Variants in CD34 observed in about 807,000 individuals in gnomAD.
The protein encoded by CD34 is hematopoietic progenitor cell antigen CD34.
A neutral mutation model predicts 40.1 loss-of-function variants in CD34; 34 were observed. The ratio of observed to expected loss-of-function variants is 0.85; its 90% CI spans 0.65 to 1.13. The LOEUF is 1.13. Among genes scored for constraint, CD34 ranks in the 50% most tolerant of loss-of-function variants. The pLI is 0.00. For synonymous variants in CD34, 209 were observed against 190.0 expected (o/e 1.10, Z -0.82); for missense variants, 426 against 466.9 (o/e 0.91, Z 0.81).
rs1439183665 is a variant in CD34, at chr1:207,888,730, G to T, written c.924C>A (p.Gly308=). 1 of 1,614,220 alleles carries T rather than the reference G, an allele frequency of 6.2e-7. No individual in the cohort carries two copies. Among genetic ancestry groups the T allele is most frequent in the South Asian group, 1.1e-5 (1 of 91,088 alleles). The change falls in exon 7 of 8, where the codon GGC becomes GGA. Residue 308 remains glycine (G), a synonymous_variant. Coordinates refer to ENST00000310833, the MANE Select transcript of CD34 (RefSeq NM_001025109.2). ...GALLAVLGIT[G]YFLMNRRSWS... ...AGCTGCGGCGATTCATCAGGAAATA[G>T]CCAGTGATGCCCAAGACAGCCAGCA...
chr1:207,910,028 G>A (rs1286502690), intron 1 of CD34, among the ~76,000 whole-genome samples: 2 of 152,250 alleles, frequency 1.3e-5, no homozygotes, highest in Admixed American at 1.3e-4. Context: ...AATGTACAAA[G>A]TTTCAAAAGT....
At chr1:207,910,001 T>C (rs573867391) in intron 1 of CD34, among the ~76,000 whole-genome samples, 1 of 152,338 alleles carries the variant, frequency 6.6e-6, no homozygotes. Flanking sequence ...TAGAGTGCTG[T>C]AAGCAAAAGG....
rs1661876624 is a variant in CD34, at chr1:207,885,140, T to C, written c.*2598A>G. ...AGTGACGTTCTATAGTTATATGAGC[T>C]TTGTGTACAAGAGAAATTGGACTAG... On this transcript the variant is annotated 3_prime_UTR_variant, in exon 8 of 8. Coordinates refer to ENST00000310833, the MANE Select transcript of CD34 (RefSeq NM_001025109.2). 6.6e-6 allele frequency: 1 copy of C among 152,234 alleles called. No individual in the cohort carries two copies. The highest frequency in any genetic ancestry group is 1.5e-5 in the Non-Finnish European group (1 of 68,078). 9.4% of individuals were successfully genotyped at this position (152,234 alleles called of 1,614,324 possible).
Position 207,887,551 on chromosome 1 carries a change from G to A in CD34, c.*187C>T. On this transcript the variant is annotated 3_prime_UTR_variant, in exon 8 of 8. Coordinates refer to ENST00000310833, the MANE Select transcript of CD34 (RefSeq NM_001025109.2). ...AGAGTCTGGCTCCAGGGAGCCGAAT[G>A]TGTAAAGGACAGGAGTTTACCTGCC... 1.3e-6 allele frequency: 1 copy of A among 752,756 alleles called. No individual in the cohort carries two copies. Among genetic ancestry groups the A allele is most frequent in the Admixed American group, 2.9e-5 (1 of 34,156 alleles). The allele number at this position is 752,756 out of a possible 1,614,324, so 46.6% of individuals were successfully genotyped here.
rs1661846120 is a variant in CD34 at position 207,883,687 on chromosome 1, A to G, written c.*4051T>C. On this transcript the variant is annotated 3_prime_UTR_variant, in exon 8 of 8. Transcript: ENST00000310833. ...TATGCTATTTAAATATTGGCACCAT[A>G]TCTCAATTTTCATACAGTAAGCACT... 1.3e-5 allele frequency: 2 copies of G among 152,196 alleles called. No individual in the cohort carries two copies. The highest frequency in any genetic ancestry group is 4.8e-5 in the African/African-American group (2 of 41,438). The allele number at this position is 152,196 out of a possible 1,614,324, so 9.4% of individuals were successfully genotyped here.
chr1:207,887,558 G>A lies in CD34; in HGVS notation c.*180C>T. The stretch of plus-strand genomic sequence containing the variant: ...GGCTCCAGGGAGCCGAATGTGTAAA[G>A]GACAGGAGTTTACCTGCCCCTCCTC... On this transcript the variant is annotated 3_prime_UTR_variant, in exon 8 of 8. Coordinates refer to ENST00000310833, the MANE Select transcript of CD34 (RefSeq NM_001025109.2). 3.7e-6 allele frequency: 3 copies of A among 802,906 alleles called. No individual in the cohort carries two copies. In the South Asian group the frequency reaches 5.5e-5, roughly 15 times the overall value. 49.7% of individuals were successfully genotyped at this position (802,906 alleles called of 1,614,324 possible).
chr1:207,901,009 T>TC (rs1463550841), intron 1 of CD34, among the ~76,000 whole-genome samples: 1 of 151,282 alleles, frequency 6.6e-6, no homozygotes, highest in East Asian at 1.9e-4. Context: ...TTTTTTTTTT[T>TC]TTTTTAAGAC....
intron 4 of CD34, among the ~76,000 whole-genome samples, chr1:207,895,645 T>C (rs1013112032): frequency 6.6e-6 from 1 of 152,336 alleles, no homozygotes; most frequent in East Asian, 1.9e-4. Flanking sequence ...ACTTTTCTCA[T>C]ACAGTGACCC....
In CD34 at chr1:207,885,885, C is replaced by T. The variant is rs752849021; in HGVS notation, c.*1853G>A. The T allele has an allele frequency of 1.3e-5, 2 of 151,942 alleles. No individual in the cohort carries two copies. Among genetic ancestry groups the T allele is most frequent in the African/African-American group, 4.8e-5 (2 of 41,282 alleles). 9.4% of individuals were successfully genotyped at this position (151,942 alleles called of 1,614,324 possible). On this transcript the variant is annotated 3_prime_UTR_variant, in exon 8 of 8. Coordinates refer to ENST00000310833, the MANE Select transcript of CD34 (RefSeq NM_001025109.2). Reference sequence around the variant, plus strand: ...CCAACTGCCTCTGCCACTGTCGACACACTTGGGAGTGTTTCCTGGAGCTCC... The same window carrying T: ...CCAACTGCCTCTGCCACTGTCGACATACTTGGGAGTGTTTCCTGGAGCTCC...
chr1:207,902,375 G>A (rs1294382411), intron 1 of CD34, among the ~76,000 whole-genome samples: 1 of 152,214 alleles, frequency 6.6e-6, no homozygotes, highest in Non-Finnish European at 1.5e-5. Flanking sequence ...TAGAGAAAAG[G>A]ATGGGCTCCC....
Position 207,889,191 on chromosome 1 carries a change from A to G in CD34, c.777T>C (p.Leu259=). 6.2e-7 allele frequency: 1 copy of G among 1,610,418 alleles called. No individual in the cohort carries two copies. Residue 259 remains leucine, a synonymous_variant, in exon 6 of 8, where the codon CTT becomes CTC. Transcript: ENST00000310833. ...NRTEISSKLQ[L]MKKHQSDLKK... is the part of the protein sequence containing the mutation. ...TCAGGTCAGATTGGTGCTTTTTCAT[A>G]AGTTGGAGTTTGCTGGAAATTTCTA...
rs1661941787 is a variant in CD34 at position 207,888,015 on chromosome 1, G to A, written c.973-92C>T. On this transcript the variant is annotated intron_variant, in intron 7 of 7. Transcript: ENST00000310833. ...GGGCCCAAACAGGAAGTGGGGGCAG[G>A]GGTGGGAGAAGGGGGAGGGGGAGGT... is the stretch of plus-strand genomic sequence containing the variant. The A allele has an allele frequency of 7.1e-6, 11 of 1,555,856 alleles. No homozygotes were observed. The Admixed American group carries it at 1.3e-4, about 19-fold the overall frequency.
chr1:207,900,892 C>T (rs1007204388), intron 1 of CD34, among the ~76,000 whole-genome samples: 1 of 151,866 alleles, frequency 6.6e-6, no homozygotes, highest in Non-Finnish European at 1.5e-5. Context: ...ATAACAAATG[C>T]TAAGTTATTA....
chr1:207,899,116 C>G lies in CD34; in HGVS notation c.373G>C (p.Ala125Pro), dbSNP rs757151224. 9.3e-6 allele frequency: 15 copies of G among 1,614,062 alleles called. No homozygotes were observed. In the South Asian group the frequency reaches 1.6e-4, roughly 18 times the overall value. The change falls in exon 3 of 8, where the codon GCC becomes CCC. Residue 125 changes from alanine (A) to proline (P), a missense_variant. By Grantham distance (27) the Ala-to-Pro change is conservative. Coordinates refer to ENST00000310833, the MANE Select transcript of CD34 (RefSeq NM_001025109.2). ...SVISTVFTTP[A>P]NVSTPETTLK... ...GTTGTCTCTGGAGTTGAAACGTTGG[C>G]TGGGGTGGTGAACACTGTGCTGATT...
At position 207,888,758 on chromosome 1, in the gene CD34, G is replaced by A. The variant is rs1375612844; in HGVS notation, c.896C>T (p.Ala299Val). The change falls in exon 7 of 8, where the codon GCC (alanine) becomes GTC (valine). Residue 299 changes from alanine (A) to valine (V), a missense_variant. Transcript: ENST00000310833. ...KTLIALVTSG[A>V]LLAVLGITGY... ...AGTGATGCCCAAGACAGCCAGCAGG[G>A]CTCCCGAGGTGACCAGTGCAATCAG... The A allele has an allele frequency of 6.2e-7, 1 of 1,614,224 alleles. No homozygotes were observed. Among genetic ancestry groups the A allele is most frequent in the Middle Eastern group, 1.6e-4 (1 of 6,062 alleles).
chr1:207,893,804 C>A (rs1339466281), intron 4 of CD34, among the ~76,000 whole-genome samples: 3 of 152,106 alleles, frequency 2.0e-5, no homozygotes, highest in Non-Finnish European at 4.4e-5. Flanking sequence ...AAATGGCCAA[C>A]AAACACATGA....
Position 207,899,206 on chromosome 1 carries a change from A to C in CD34, c.283T>G (p.Ser95Ala), listed in dbSNP as rs201559434. The change falls in exon 3 of 8, where the codon TCT (serine) becomes GCT (alanine). Residue 95 changes from serine (S) to alanine (A), a missense_variant. By Grantham distance (99) the Ser-to-Ala change is moderately conservative. Coordinates refer to ENST00000310833, the MANE Select transcript of CD34 (RefSeq NM_001025109.2). Reference sequence around the variant, plus strand: ...TAAACTGAGGTTATCACAGAGGTAGATGTGAATTTGACTGTCGTTTCTGGA... The same window carrying C: ...TAAACTGAGGTTATCACAGAGGTAGCTGTGAATTTGACTGTCGTTTCTGGA... ...NITETTVKFT[S>A]TSVITSVYGN... 25 of 1,614,020 alleles carry C rather than the reference A, an allele frequency of 1.5e-5. No individual in the cohort carries two copies. Among genetic ancestry groups the C allele is most frequent in the African/African-American group, 2.7e-5 (2 of 74,916 alleles).
At chr1:207,889,768 C>T in intron 4 of CD34, 147 bp from the exon 5 acceptor site, 5 of 1,308,438 alleles carry the variant, frequency 3.8e-6, no homozygotes, top group Non-Finnish European at 4.2e-6. Context: ...AAAAAAAAAA[C>T]TGCTAACTGT....
chr1:207,910,104 A>T (rs1460735100), intron 1 of CD34, among the ~76,000 whole-genome samples: 1 of 152,248 alleles, frequency 6.6e-6, no homozygotes, highest in Admixed American at 6.5e-5. Flanking sequence ...GTAATCGAGT[A>T]TAAATATTTA....
Sources: gnomAD v4.1 joint callset for allele counts (sites outside exome capture counted in the v4.1 genomes callset) on GRCh38, gnomAD v4.1.1 for gene constraint, MANE v1.5 for transcripts, NCBI Gene and HGNC (gene_info 2026-07-23, HGNC 2026-07-21) for gene names.